SNAPC3: variants seen among roughly 807,000 people sequenced by gnomAD.
SNAPC3 encodes small nuclear RNA activating complex polypeptide 3.
A neutral mutation model predicts 47.7 loss-of-function variants in SNAPC3; 56 were observed. The observed-to-expected ratio is 1.18, with a 90% confidence interval of 0.95 to 1.47. The LOEUF (loss-of-function observed/expected upper bound fraction) is 1.47, where lower values mean the gene tolerates loss of function less well. SNAPC3 is among the 40% of genes most tolerant of loss of function. The pLI, the probability that SNAPC3 is intolerant of heterozygous loss-of-function variation, is 0.00. For missense variants in SNAPC3, 665 were observed against 511.3 expected (o/e 1.30, Z -2.90); for synonymous variants, 235 against 189.9 (o/e 1.24, Z -1.95).
At chr9:15,463,429 T>C (rs1020980749), downstream of SNAPC3, 2 of 133,682 alleles carry the variant, frequency 1.5e-5, no homozygotes, top group African/African-American at 5.6e-5. Flanking sequence ...AACACATACG[T>C]ACATACACAC....
In SNAPC3 at chr9:15,422,984, C is replaced by T. The variant is rs747444241; in HGVS notation, c.105C>T (p.Pro35=). 37 of 1,546,026 alleles carry T rather than the reference C, an allele frequency of 2.4e-5. No homozygotes were observed. Among genetic ancestry groups the T allele is most frequent in the South Asian group, 7.3e-5 (6 of 82,664 alleles). The change falls in exon 1 of 9, where the codon CCC becomes CCT. Residue 35 remains proline, a synonymous_variant. Coordinates refer to ENST00000380821, the MANE Select transcript of SNAPC3 (RefSeq NM_001039697.2). The stretch of plus-strand genomic sequence containing the variant: ...GCAACTTTCCAGAGTATGAGCTTCC[C>T]GAGCTAAATACGCGCGCTTTCCATG... ...GGCNFPEYEL[P]ELNTRAFHVG...
intron 3 of SNAPC3, among the ~76,000 whole-genome samples, chr9:15,443,191 A>AG (rs938432361): frequency 6.6e-6 from 1 of 151,852 alleles, no homozygotes; most frequent in Non-Finnish European, 1.5e-5. Context: ...CCGTGGGGAG[A>AG]GGGGGAGAGG....
intron 7 of SNAPC3, among the ~76,000 whole-genome samples, chr9:15,456,752 GCCA>G (rs1486167049): frequency 6.6e-6 from 1 of 152,188 alleles, no homozygotes; most frequent in Non-Finnish European, 1.5e-5. Flanking sequence ...GCAGGCGTGA[GCCA>G]CCACATCTGC....
chr9:15,453,495 T>C, intron 7 of SNAPC3: 1 of 236,008 alleles, frequency 4.2e-6, no homozygotes. Context: ...ATTAAATAGC[T>C]GTTATTCAGA....
chr9:15,451,349 T>C lies in SNAPC3; in HGVS notation c.762T>C (p.Phe254=), dbSNP rs2034371785. ...TATACAAATCAGCCTTCTTTTATTTTGAAGGAACATTTTATAATGATAAAA... is the reference window on the plus strand; with the variant it reads ...TATACAAATCAGCCTTCTTTTATTTCGAAGGAACATTTTATAATGATAAAA... ...KDLYKSAFFY[F]EGTFYNDKRY... Residue 254 remains phenylalanine (F), a synonymous_variant, in exon 6 of 9, where the codon TTT becomes TTC. Coordinates refer to ENST00000380821, the MANE Select transcript of SNAPC3 (RefSeq NM_001039697.2). 6 of 1,545,224 alleles carry C rather than the reference T, an allele frequency of 3.9e-6. No individual in the cohort carries two copies. Among genetic ancestry groups the C allele is most frequent in the Non-Finnish European group, 4.4e-6 (5 of 1,126,606 alleles).
At chr9:15,446,982 G>A in intron 4 of SNAPC3, 113 bp from the exon 5 acceptor site, 1 of 896,274 alleles carries the variant, frequency 1.1e-6, no homozygotes. Context: ...CAAGTTATGG[G>A]GACAATTTAA....
At chr9:15,442,755 T>G (rs1173961547) in intron 3 of SNAPC3, among the ~76,000 whole-genome samples, 1 of 151,552 alleles carries the variant, frequency 6.6e-6, no homozygotes, top group African/African-American at 2.4e-5. Flanking sequence ...CGCTCTTCAC[T>G]TGCCAGACGG....
intron 5 of SNAPC3, among the ~76,000 whole-genome samples, chr9:15,448,836 A>G (rs1284882441): frequency 6.6e-6 from 1 of 151,140 alleles, no homozygotes; most frequent in Admixed American, 6.6e-5. Context: ...TTTTTTTTGG[A>G]TGGGGCTCTG....
downstream of SNAPC3, chr9:15,466,683 C>G: frequency 1.6e-6 from 2 of 1,286,970 alleles, no homozygotes; most frequent in Non-Finnish European, 2.2e-6. Context: ...AACCTTGGAA[C>G]AGAACTGTGA....
chr9:15,435,250 C>A (rs1447182069), intron 3 of SNAPC3, among the ~76,000 whole-genome samples: 3 of 152,086 alleles, frequency 2.0e-5, no homozygotes, highest in African/African-American at 7.2e-5. Context: ...TGTCCATTTT[C>A]AAATTGGGTT....
intron 4 of SNAPC3, among the ~76,000 whole-genome samples, chr9:15,445,130 T>C (rs2033823992): frequency 6.6e-6 from 1 of 152,194 alleles, no homozygotes; most frequent in African/African-American, 2.4e-5. Flanking sequence ...TGATGTCTTA[T>C]TTTTAGAGTT....
downstream of SNAPC3, chr9:15,466,717 C>A: frequency 6.6e-7 from 1 of 1,518,206 alleles, no homozygotes. Flanking sequence ...TAATAAAAAA[C>A]ACACAAGACC....
At chr9:15,436,025 G>A (rs1180728910) in intron 3 of SNAPC3, among the ~76,000 whole-genome samples, 2 of 151,878 alleles carry the variant, frequency 1.3e-5, no homozygotes, top group African/African-American at 4.8e-5. Context: ...TGTATTTTTA[G>A]TAGAGATGGG....
chr9:15,454,322 G>A (rs2131947290), intron 7 of SNAPC3, among the ~76,000 whole-genome samples: 1 of 152,034 alleles, frequency 6.6e-6, no homozygotes, highest in East Asian at 1.9e-4. Flanking sequence ...CCAAAATTTT[G>A]TATCCCATGC....
At chr9:15,452,773 C>T (rs1389801988) in intron 6 of SNAPC3, among the ~76,000 whole-genome samples, 1 of 152,130 alleles carries the variant, frequency 6.6e-6, no homozygotes, top group Non-Finnish European at 1.5e-5. Flanking sequence ...AAATATTTTT[C>T]AAAACACAAT....
downstream of SNAPC3, chr9:15,464,310 G>A: frequency 5.2e-6 from 1 of 194,148 alleles, no homozygotes; most frequent in Non-Finnish European, 1.1e-5. Context: ...CAGAGACGCT[G>A]GTCTTAAGCC....
downstream of SNAPC3, chr9:15,463,697 T>A (rs2035403504): frequency 6.7e-6 from 1 of 149,554 alleles, no homozygotes; most frequent in African/African-American, 2.6e-5. Context: ...TGACACCATT[T>A]CTTGAGAGTT....
chr9:15,430,016 T>C (rs995110386), intron 2 of SNAPC3, among the ~76,000 whole-genome samples: 1 of 152,236 alleles, frequency 6.6e-6, no homozygotes, highest in African/African-American at 2.4e-5. Context: ...TTAATTTATA[T>C]CTTATGGAGG....
downstream of SNAPC3, chr9:15,465,010 C>G (rs2035516247): frequency 4.6e-6 from 1 of 219,564 alleles, no homozygotes; most frequent in East Asian, 6.8e-5. Flanking sequence ...TTAAAATTAA[C>G]TTTTGATAAA....
Sources: gnomAD v4.1 joint callset for allele counts (sites outside exome capture counted in the v4.1 genomes callset) on GRCh38, gnomAD v4.1.1 for gene constraint, MANE v1.5 for transcripts, NCBI Gene and HGNC (gene_info 2026-07-23, HGNC 2026-07-21) for gene names.